TRAPPC9: variants seen among roughly 807,000 people sequenced by gnomAD.
TRAPPC9 encodes IKK2 binding protein.
A neutral mutation model predicts 124.0 loss-of-function variants in TRAPPC9; 83 were observed. That is an observed-to-expected ratio of 0.67 (90% CI 0.56 to 0.80). The LOEUF (loss-of-function observed/expected upper bound fraction) is 0.80, where lower values mean the gene tolerates loss of function less well. Ranked by LOEUF, TRAPPC9 falls within the 30% of genes least tolerant of loss-of-function variation. The pLI is 0.00. For missense variants in TRAPPC9, 1,302 were observed against 1,508.3 expected (o/e 0.86, Z 2.27); for synonymous variants, 638 against 617.5 (o/e 1.03, Z -0.49).
At chr8:140,225,817 C>CAT (rs1034275209) in intron 16 of TRAPPC9, among the ~76,000 whole-genome samples, 4 of 152,176 alleles carry the variant, frequency 2.6e-5, no homozygotes, top group Non-Finnish European at 5.9e-5. Context: ...CTCTCTCTGA[C>CAT]ATATACACAG....
chr8:140,093,636 C>A (rs1458728523), intron 17 of TRAPPC9, among the ~76,000 whole-genome samples: 1 of 150,498 alleles, frequency 6.6e-6, no homozygotes. Flanking sequence ...CCACTGCACT[C>A]CAGCCTGGGC....
intron 17 of TRAPPC9, among the ~76,000 whole-genome samples, chr8:140,151,292 G>A (rs561860427): frequency 1.3e-5 from 2 of 152,268 alleles, no homozygotes; most frequent in African/African-American, 2.4e-5. Context: ...CTGGGGTTCC[G>A]TCCCATGGTG....
chr8:139,899,607 G>A (rs1007196421), intron 20 of TRAPPC9, among the ~76,000 whole-genome samples: 2 of 152,152 alleles, frequency 1.3e-5, no homozygotes, highest in Non-Finnish European at 1.5e-5. Flanking sequence ...GGTCAACTGT[G>A]CCCTGAGCTA....
chr8:139,898,963 T>C (rs1830839629), intron 20 of TRAPPC9, among the ~76,000 whole-genome samples: 1 of 150,834 alleles, frequency 6.6e-6, no homozygotes, highest in Non-Finnish European at 1.5e-5. Context: ...CCACTAAAAA[T>C]ACAAAAATTA....
intron 17 of TRAPPC9, among the ~76,000 whole-genome samples, chr8:140,161,654 A>G (rs1171399230): frequency 3.9e-5 from 6 of 152,140 alleles, no homozygotes; most frequent in Non-Finnish European, 5.9e-5. Context: ...GCGTCATGCA[A>G]GTGCTCAAAA....
chr8:140,143,971 C>T (rs2061418912), intron 17 of TRAPPC9, among the ~76,000 whole-genome samples: 1 of 152,236 alleles, frequency 6.6e-6, no homozygotes, highest in African/African-American at 2.4e-5. Context: ...CCTAGAATTA[C>T]TGACATAGTG....
chr8:140,179,738 T>C (rs2130998863), intron 17 of TRAPPC9, among the ~76,000 whole-genome samples: 1 of 152,242 alleles, frequency 6.6e-6, no homozygotes, highest in South Asian at 2.1e-4. Context: ...TTCATGCATG[T>C]TGAAGCTCTG....
chr8:139,814,166 T>G (rs1824650694), intron 21 of TRAPPC9, among the ~76,000 whole-genome samples: 1 of 152,242 alleles, frequency 6.6e-6, no homozygotes, highest in South Asian at 2.1e-4. Flanking sequence ...AGCAGCCCTG[T>G]GCTCCGCGAG....
chr8:139,951,606 AC>A (rs1474738832), intron 19 of TRAPPC9, among the ~76,000 whole-genome samples: 1 of 152,214 alleles, frequency 6.6e-6, no homozygotes, highest in Non-Finnish European at 1.5e-5. Context: ...TGCACAGGGC[AC>A]TGAAACTTAG....
chr8:139,903,162 C>T (rs1831127514), intron 20 of TRAPPC9, among the ~76,000 whole-genome samples: 1 of 152,174 alleles, frequency 6.6e-6, no homozygotes, highest in South Asian at 2.1e-4. Flanking sequence ...GTCCACATCC[C>T]TCCACTCTCC....
chr8:139,914,529 A>C (rs1245454265), intron 19 of TRAPPC9, among the ~76,000 whole-genome samples: 1 of 152,180 alleles, frequency 6.6e-6, no homozygotes, highest in Non-Finnish European at 1.5e-5. Flanking sequence ...CTGGATGCCC[A>C]GCTCGGCTTG....
chr8:139,925,487 C>T (rs1258174965), intron 19 of TRAPPC9, among the ~76,000 whole-genome samples: 1 of 152,146 alleles, frequency 6.6e-6, no homozygotes, highest in South Asian at 2.1e-4. Flanking sequence ...GTGGCTCACG[C>T]CTGTAATCCC....
chr8:139,810,982 A>C lies in TRAPPC9; in HGVS notation c.3055+74897T>G, dbSNP rs1824405413. ...TAGGGCCTCATAGGAACAAAGGCCA[A>C]AGGGCACAGCCACTTGAGGACCACC... is the stretch of plus-strand genomic sequence containing the variant. On this transcript the variant is annotated intron_variant, in intron 21 of 22. Coordinates refer to ENST00000438773, the MANE Select transcript of TRAPPC9 (RefSeq NM_001160372.4). Among the ~76,000 whole-genome samples the C allele has an allele frequency of 6.6e-5, 10 of 152,228 alleles. No homozygotes were observed. The South Asian group carries it at 2.1e-3, about 32-fold the overall frequency.
intron 18 of TRAPPC9, among the ~76,000 whole-genome samples, chr8:139,998,725 A>T (rs1587455097): frequency 6.6e-6 from 1 of 152,316 alleles, no homozygotes; most frequent in Non-Finnish European, 1.5e-5. Context: ...CCGTCTCAAA[A>T]AAATAAATAA....
intron 21 of TRAPPC9, among the ~76,000 whole-genome samples, chr8:139,808,160 T>G (rs544993062): frequency 1.4e-4 from 22 of 152,334 alleles, no homozygotes; most frequent in South Asian, 6.2e-4. Flanking sequence ...ATTTACCCAT[T>G]TGAAGTATAC....
chr8:139,815,913 G>A (rs1489909077), intron 21 of TRAPPC9, among the ~76,000 whole-genome samples: 3 of 152,218 alleles, frequency 2.0e-5, no homozygotes, highest in Admixed American at 1.3e-4. Flanking sequence ...CAGTCACCTT[G>A]AGACCTGACG....
chr8:140,429,430 C>G (rs965663054), intron 4 of TRAPPC9, among the ~76,000 whole-genome samples: 17 of 146,350 alleles, frequency 1.2e-4, no homozygotes, highest in Non-Finnish European at 2.3e-4. Context: ...TTACTAGCTC[C>G]ATAACCTTGG....
intron 1 of TRAPPC9, among the ~76,000 whole-genome samples, chr8:140,454,234 A>G (rs1426082217): frequency 1.3e-5 from 2 of 152,094 alleles, no homozygotes; most frequent in Non-Finnish European, 2.9e-5. Flanking sequence ...GGAGGCAGTG[A>G]GCCAAGATCA....
chr8:140,094,178 T>C (rs1311481002), intron 17 of TRAPPC9, among the ~76,000 whole-genome samples: 1 of 152,206 alleles, frequency 6.6e-6, no homozygotes, highest in Non-Finnish European at 1.5e-5. Flanking sequence ...ATTCTTTGGC[T>C]GGAGGAGACA....
Sources: gnomAD v4.1 joint callset for allele counts (sites outside exome capture counted in the v4.1 genomes callset) on GRCh38, gnomAD v4.1.1 for gene constraint, MANE v1.5 for transcripts, NCBI Gene and HGNC (gene_info 2026-07-23, HGNC 2026-07-21) for gene names.